The following TARBP1 variants were observed in gnomAD, a reference collection of about 807,000 sequenced individuals.
TARBP1 encodes tRNA guanosine 2 -O-methyltransferase TARBP1.
Under a neutral mutation model 178.6 loss-of-function variants are expected in TARBP1, and 144 were observed. The observed-to-expected ratio is 0.81, with a 90% CI of 0.70 to 0.93. The LOEUF is 0.93. TARBP1 is among the 40% of genes least tolerant of loss of function. TARBP1 has a pLI of 0.00. For synonymous variants in TARBP1, 787 were observed against 781.0 expected, an observed-to-expected ratio of 1.01 and a Z score of -0.13; for missense variants, 2,067 against 2,011.7, an observed-to-expected ratio of 1.03 and a Z score of -0.53.
chr1:234,405,479 G>C (rs1273461448), intron 24 of TARBP1: 1 of 158,042 alleles, frequency 6.3e-6, no homozygotes, highest in South Asian at 1.9e-4. Flanking sequence ...GTATGATTTT[G>C]TCTGCGGAAT....
chr1:234,429,773 G>T lies in TARBP1; in HGVS notation c.2610-96C>A, dbSNP rs997657085. 5.0e-5 allele frequency: 65 copies of T among 1,298,158 alleles called. 2 individuals are homozygous for T. In the African/African-American group the frequency reaches 7.8e-4, roughly 16 times the overall value. The allele number at this position is 1,298,158 out of a possible 1,614,324, so 80.4% of individuals were successfully genotyped here. A position where few individuals can be genotyped will look rare whatever the true frequency, so the allele number is the denominator to read the frequency against. On this transcript the variant is annotated intron_variant, in intron 15 of 29. Coordinates refer to ENST00000040877, the MANE Select transcript of TARBP1 (RefSeq NM_005646.4). ...CTATCCTTTCTAAAGGTGGGGGGGGGGGGGCAGTGTACAGATATAAATGGT... is the reference window on the plus strand; with the variant it reads ...CTATCCTTTCTAAAGGTGGGGGGGGTGGGGCAGTGTACAGATATAAATGGT...
At chr1:234,427,252 G>A in intron 19 of TARBP1, 65 bp downstream of exon 19, 1 of 1,120,460 alleles carries the variant, frequency 8.9e-7, no homozygotes, top group Non-Finnish European at 1.3e-6. Flanking sequence ...CAGAATGTTT[G>A]TCATATGATG....
intron 8 of TARBP1, among the ~76,000 whole-genome samples, chr1:234,459,022 G>A (rs555654210): frequency 3.9e-4 from 59 of 152,350 alleles, no homozygotes; most frequent in Non-Finnish European, 6.0e-4. Flanking sequence ...TTAGGATAGT[G>A]TAAATCCTCC....
intron 22 of TARBP1, among the ~76,000 whole-genome samples, chr1:234,414,153 C>T (rs1662158495): frequency 6.6e-6 from 1 of 152,206 alleles, no homozygotes; most frequent in African/African-American, 2.4e-5. Context: ...GCCACGCAGT[C>T]TCTGCTGCAA....
At chr1:234,445,527 G>GGTTTCA (rs1440260444) in intron 12 of TARBP1, among the ~76,000 whole-genome samples, 1 of 152,074 alleles carries the variant, frequency 6.6e-6, no homozygotes, top group East Asian at 1.9e-4. Flanking sequence ...TGGTGGTGAT[G>GGTTTCA]GTTTCAGGGG....
intron 1 of TARBP1, among the ~76,000 whole-genome samples, chr1:234,477,804 C>A (rs1314795021): frequency 6.6e-6 from 1 of 152,150 alleles, no homozygotes; most frequent in African/African-American, 2.4e-5. Context: ...AGATAAATAA[C>A]AAATAATTTT....
chr1:234,422,027 T>C (rs1010326582), intron 20 of TARBP1, among the ~76,000 whole-genome samples: 8 of 152,248 alleles, frequency 5.3e-5, no homozygotes, highest in Admixed American at 4.6e-4. Flanking sequence ...ATAATTTCTG[T>C]TAAGAATTTT....
intron 24 of TARBP1, among the ~76,000 whole-genome samples, chr1:234,402,087 GTATC>G (rs1660728294): frequency 6.6e-6 from 1 of 152,088 alleles, no homozygotes; most frequent in Non-Finnish European, 1.5e-5. Context: ...AAGGGCTTTT[GTATC>G]TAGTCTTAAA....
intron 9 of TARBP1, among the ~76,000 whole-genome samples, chr1:234,456,735 A>C (rs1667324787): frequency 6.6e-6 from 1 of 152,238 alleles, no homozygotes; most frequent in African/African-American, 2.4e-5. Context: ...AAGTAAGAGA[A>C]TACGTATATT....
intron 3 of TARBP1, among the ~76,000 whole-genome samples, chr1:234,469,077 T>TTTTAAA (rs1413764322): frequency 3.1e-5 from 2 of 63,764 alleles, no homozygotes; most frequent in South Asian, 7.1e-4. Context: ...TTTTTTTTTT[T>TTTTAAA]AAAAAAAAAA....
At chr1:234,461,730 A>G (rs565463958) in intron 6 of TARBP1, among the ~76,000 whole-genome samples, 1 of 152,214 alleles carries the variant, frequency 6.6e-6, no homozygotes, top group Non-Finnish European at 1.5e-5. Context: ...CATCTTTCTC[A>G]TAGGCTGTTT....
chr1:234,449,991 C>T (rs7513969), intron 10 of TARBP1, among the ~76,000 whole-genome samples: 44,942 of 152,050 alleles, frequency 0.3, 6,834 homozygotes, highest in Admixed American at 0.4. Flanking sequence ...TAAACACAGC[C>T]TTTGTTTAAA....
At position 234,476,743 on chromosome 1, in the gene TARBP1, A is replaced by G. The variant is rs112717927; in HGVS notation, c.931+1430T>C. Reference sequence around the variant, plus strand: ...TAACCAAAATTTTAACTGTGACAATATATTTTATGATATAACTAAGATATA... The same window carrying G: ...TAACCAAAATTTTAACTGTGACAATGTATTTTATGATATAACTAAGATATA... On this transcript the variant is annotated intron_variant, in intron 1 of 29. Coordinates refer to ENST00000040877, the MANE Select transcript of TARBP1 (RefSeq NM_005646.4). 2.1e-3 allele frequency among the ~76,000 whole-genome samples: 325 copies of G among 152,396 alleles called. 1 individual carries two copies. Among genetic ancestry groups the G allele is most frequent in the Non-Finnish European group, 3.5e-3 (237 of 68,036 alleles).
rs112321004 is a variant in TARBP1, at chr1:234,461,586, C to T, written c.1400-1190G>A. Among the ~76,000 whole-genome samples, 562 of 152,242 alleles carry T rather than the reference C, an allele frequency of 3.7e-3. 4 individuals carry two copies. Among genetic ancestry groups the T allele is most frequent in the African/African-American group, 0.012 (499 of 41,540 alleles). On this transcript the variant is annotated intron_variant, in intron 6 of 29. Coordinates refer to ENST00000040877, the MANE Select transcript of TARBP1 (RefSeq NM_005646.4). ...CCTCCCAAAGTGCTGAGACTACAGG[C>T]GTCAGCCACCACACCCGGCCAGTAA... is the stretch of plus-strand genomic sequence containing the variant.
At chr1:234,403,777 G>A (rs569219951) in intron 24 of TARBP1, among the ~76,000 whole-genome samples, 45 of 152,108 alleles carry the variant, frequency 3.0e-4, no homozygotes, top group Admixed American at 6.5e-4. Flanking sequence ...TCCACCTCCC[G>A]GGTTCAAGAG....
At chr1:234,441,862 C>T (rs889327404) in intron 12 of TARBP1, among the ~76,000 whole-genome samples, 2 of 152,290 alleles carry the variant, frequency 1.3e-5, no homozygotes, top group African/African-American at 4.8e-5. Flanking sequence ...GGTTTATCCA[C>T]GTTGTAACAT....
chr1:234,405,121 A>G lies in TARBP1; in HGVS notation c.3989+782T>C, dbSNP rs969199437. On this transcript the variant is annotated intron_variant, in intron 24 of 29. Coordinates refer to ENST00000040877, the MANE Select transcript of TARBP1 (RefSeq NM_005646.4). Reference sequence around the variant, plus strand: ...CCTATTATGCTGCTTCCAACACTTAACCATTTGTGTATATAAATTAGTGGG... The same window carrying G: ...CCTATTATGCTGCTTCCAACACTTAGCCATTTGTGTATATAAATTAGTGGG... Among the ~76,000 whole-genome samples, 40 of 152,106 alleles carry G rather than the reference A, an allele frequency of 2.6e-4. 1 individual carries two copies. The highest frequency in any genetic ancestry group is 2.4e-3 in the Admixed American group (37 of 15,272).
chr1:234,440,675 G>A (rs991169861), intron 12 of TARBP1, among the ~76,000 whole-genome samples: 2 of 152,092 alleles, frequency 1.3e-5, no homozygotes, highest in Admixed American at 1.3e-4. Context: ...CTAGAATTAC[G>A]TCCTTCAGCA....
intron 3 of TARBP1, 96 bp from the exon 4 acceptor site, chr1:234,467,746 A>T: frequency 8.3e-7 from 1 of 1,205,362 alleles, no homozygotes; most frequent in Non-Finnish European, 1.1e-6. Flanking sequence ...ACACACAATA[A>T]CTTCATTATA....
Sources: allele counts gnomAD v4.1 joint callset (sites outside exome capture counted in the v4.1 genomes callset), GRCh38; gene constraint gnomAD v4.1.1; transcripts MANE v1.5; gene names NCBI Gene and HGNC (gene_info 2026-07-23, HGNC 2026-07-21).